Variants in TMEM182 observed in about 807,000 individuals in gnomAD.
TMEM182 encodes transmembrane protein 182.
Under a neutral mutation model 26.8 loss-of-function variants are expected in TMEM182, and 20 were observed. That is an observed-to-expected ratio of 0.75 (90% confidence interval 0.53 to 1.09). The LOEUF (loss-of-function observed/expected upper bound fraction) is 1.09, where lower values mean the gene tolerates loss of function less well. TMEM182 is among the 50% of genes least tolerant of loss of function. The probability of loss-of-function intolerance (pLI) is 0.00; values close to 1 mark genes in which losing one functional copy is unlikely to be tolerated. For missense variants in TMEM182, 277 were observed against 275.5 expected (o/e 1.01, Z -0.04); for synonymous variants, 109 against 102.2 (o/e 1.07, Z -0.40).
intron 4 of TMEM182, among the ~76,000 whole-genome samples, chr2:102,813,141 C>T (rs1438798804): frequency 6.6e-6 from 1 of 152,172 alleles, no homozygotes; most frequent in African/African-American, 2.4e-5. Flanking sequence ...TTTGATTCTT[C>T]ATTGCTCTGT....
intron 3 of TMEM182, among the ~76,000 whole-genome samples, chr2:102,789,599 A>T (rs1274343220): frequency 3.9e-5 from 6 of 152,198 alleles, no homozygotes; most frequent in Non-Finnish European, 8.8e-5. Flanking sequence ...TCAGTCTTTT[A>T]AGAGCTCCCA....
At chr2:102,750,399 C>G (rs1679843875) in intron 1 of TMEM182, among the ~76,000 whole-genome samples, 1 of 152,138 alleles carries the variant, frequency 6.6e-6, no homozygotes, top group Admixed American at 6.5e-5. Context: ...ATTCCTATAC[C>G]TGTTTTTTGC....
intron 3 of TMEM182, among the ~76,000 whole-genome samples, chr2:102,828,355 A>T (rs1217552378): frequency 6.6e-6 from 1 of 152,098 alleles, no homozygotes; most frequent in Non-Finnish European, 1.5e-5. Flanking sequence ...CACTGTTTCT[A>T]CTCAGGGCTG....
At chr2:102,787,889 G>A (rs145609261) in intron 3 of TMEM182, among the ~76,000 whole-genome samples, 106 of 152,222 alleles carry the variant, frequency 7.0e-4, no homozygotes, top group African/African-American at 2.5e-3. Context: ...CATAGAGATT[G>A]CTGGGAAGAC....
intron 3 of TMEM182, among the ~76,000 whole-genome samples, chr2:102,828,026 G>T (rs957732823): frequency 2.0e-5 from 3 of 152,166 alleles, no homozygotes; most frequent in African/African-American, 7.2e-5. Flanking sequence ...AGGAGGCAAA[G>T]GTTGCAGTGA....
At chr2:102,802,601 C>G (rs12466902) in intron 4 of TMEM182, among the ~76,000 whole-genome samples, 4 of 152,130 alleles carry the variant, frequency 2.6e-5, no homozygotes, top group African/African-American at 9.7e-5. Context: ...CCTCCTGCCC[C>G]GTGGCATTGG....
rs1682754320 is a variant in TMEM182, at chr2:102,816,479, A to G, written c.*1511A>G. ...CTTTGGAAAAATTGCAAAGGTCTGA[A>G]TCTTCAGGGCATTTTCATGACAGGA... is the stretch of plus-strand genomic sequence containing the variant. On this transcript the variant is annotated 3_prime_UTR_variant, in exon 5 of 5. Coordinates refer to ENST00000412401, the MANE Select transcript of TMEM182 (RefSeq NM_144632.5). 1 of 984,164 alleles carries G rather than the reference A, an allele frequency of 1.0e-6. No individual in the cohort carries two copies. Among genetic ancestry groups the G allele is most frequent in the Non-Finnish European group, 1.2e-6 (1 of 829,742 alleles). 61.0% of individuals were successfully genotyped at this position (984,164 alleles called of 1,614,324 possible).
chr2:102,753,585 G>A (rs1414903886), intron 1 of TMEM182, among the ~76,000 whole-genome samples: 1 of 152,078 alleles, frequency 6.6e-6, no homozygotes, highest in Admixed American at 6.6e-5. Context: ...TGCCCAGGCT[G>A]GTCTAGAACT....
At chr2:102,749,759 C>T (rs1679821052) in intron 1 of TMEM182, among the ~76,000 whole-genome samples, 1 of 152,048 alleles carries the variant, frequency 6.6e-6, no homozygotes, top group South Asian at 2.1e-4. Flanking sequence ...AGATCATTTT[C>T]CCTTTGTATG....
chr2:102,815,717 G>A lies in TMEM182; in HGVS notation c.*749G>A, dbSNP rs1682718003. ...ACTTAAAGTGAGTTAATTGTATAAT[G>A]TAATATTGTTTAAAATATGTAAAAA... is the stretch of plus-strand genomic sequence containing the variant. On this transcript the variant is annotated 3_prime_UTR_variant, in exon 5 of 5. Transcript: ENST00000412401. 1 of 967,842 alleles carries A rather than the reference G, an allele frequency of 1.0e-6. No individual in the cohort carries two copies. Among genetic ancestry groups the A allele is most frequent in the Non-Finnish European group, 1.2e-6 (1 of 813,914 alleles). The allele number at this position is 967,842 out of a possible 1,614,324, so 60.0% of individuals were successfully genotyped here. A position where few individuals can be genotyped will look rare whatever the true frequency, so the allele number is the denominator to read the frequency against.
chr2:102,780,504 G>C (rs1468364747), intron 3 of TMEM182, among the ~76,000 whole-genome samples: 1 of 152,118 alleles, frequency 6.6e-6, no homozygotes, highest in Non-Finnish European at 1.5e-5. Context: ...ATTATGCAGT[G>C]GGGGTGGTGA....
chr2:102,814,021 A>T (rs1264981028), intron 4 of TMEM182, among the ~76,000 whole-genome samples: 2 of 151,350 alleles, frequency 1.3e-5, no homozygotes, highest in Non-Finnish European at 2.9e-5. Context: ...ATCTTTTATC[A>T]TCAATCTTCC....
At chr2:102,758,516 G>C, upstream of TMEM182, 1 of 716,666 alleles carries the variant, frequency 1.4e-6, no homozygotes, top group Non-Finnish European at 2.6e-6. Flanking sequence ...GTCTAATAAG[G>C]ATTTGTTAAA....
At chr2:102,749,508 G>A (rs1275126693) in intron 1 of TMEM182, among the ~76,000 whole-genome samples, 1 of 152,144 alleles carries the variant, frequency 6.6e-6, no homozygotes, top group African/African-American at 2.4e-5. Flanking sequence ...TTAGATTATG[G>A]TGATGGCCAC....
chr2:102,784,131 ATCTTTATTTTCT>A (rs921904123), intron 3 of TMEM182, among the ~76,000 whole-genome samples: 15 of 152,146 alleles, frequency 9.9e-5, no homozygotes, highest in African/African-American at 3.4e-4. Context: ...TTATCTCTGT[ATCTTTATTTTCT>A]TCCTAGAAAC....
chr2:102,809,782 A>C (rs1211681366), intron 4 of TMEM182, among the ~76,000 whole-genome samples: 1 of 152,234 alleles, frequency 6.6e-6, no homozygotes, highest in African/African-American at 2.4e-5. Flanking sequence ...GCCCTGCTAA[A>C]TATTGCACTA....
chr2:102,814,333 C>A (rs1682662454), intron 4 of TMEM182, among the ~76,000 whole-genome samples: 1 of 151,884 alleles, frequency 6.6e-6, no homozygotes, highest in South Asian at 2.1e-4. Context: ...GTAAGTGTAC[C>A]TATTTCAATG....
At chr2:102,763,135 T>A (rs2540297) in intron 2 of TMEM182, among the ~76,000 whole-genome samples, 71,893 of 151,676 alleles carry the variant, frequency 0.47, 17,649 homozygotes, top group African/African-American at 0.6. Context: ...ATATTTTTTT[T>A]AAAAAAATCA....
intron 3 of TMEM182, among the ~76,000 whole-genome samples, chr2:102,842,362 T>A (rs967663309): frequency 6.6e-6 from 1 of 152,190 alleles, no homozygotes; most frequent in Non-Finnish European, 1.5e-5. Context: ...TCTAAACAGA[T>A]CCTTGAACTT....
Sources: allele counts gnomAD v4.1 joint callset (sites outside exome capture counted in the v4.1 genomes callset), GRCh38; gene constraint gnomAD v4.1.1; transcripts MANE v1.5; gene names NCBI Gene and HGNC (gene_info 2026-07-23, HGNC 2026-07-21).